Variants in NLRP2 observed in about 807,000 individuals in gnomAD.
The protein encoded by NLRP2 is NLR family pyrin domain containing 2.
In NLRP2, 107 loss-of-function variants were observed where a neutral mutation model predicts 97.2. The ratio of observed to expected loss-of-function variants is 1.10; its 90% CI spans 0.94 to 1.29. NLRP2 has a LOEUF of 1.29. NLRP2 is among the 50% of genes most tolerant of loss of function. The probability of loss-of-function intolerance (pLI) is 0.00; values close to 1 mark genes in which losing one functional copy is unlikely to be tolerated. For missense variants in NLRP2, 1,495 were observed against 1,330.3 expected, an observed-to-expected ratio of 1.12 and a Z score of -1.93; for synonymous variants, 663 against 551.5, an observed-to-expected ratio of 1.20 and a Z score of -2.83.
chr19:54,999,812 C>T (rs1302133327), intron 12 of NLRP2, among the ~76,000 whole-genome samples: 1 of 152,164 alleles, frequency 6.6e-6, no homozygotes, highest in Non-Finnish European at 1.5e-5. Context: ...TCTCAGCTCA[C>T]TGTAACCTCC....
At position 54,983,465 on chromosome 19, in the gene NLRP2, C is replaced by T. The variant is rs1397414574; in HGVS notation, c.1767C>T (p.Asp589=). 6.2e-7 allele frequency: 1 copy of T among 1,614,034 alleles called. No homozygotes were observed. The highest frequency in any genetic ancestry group is 8.5e-7 in the Non-Finnish European group (1 of 1,180,044). The change falls in exon 6 of 13, where the codon GAC becomes GAT. Residue 589 remains aspartate, a synonymous_variant. Transcript: ENST00000448584. ...PDIKQELLRC[D]ISCKGGHSTV... ...TCAAACAGGAATTGCTGCGATGCGACATAAGTTGTAAGGGTGGACATTCAA... is the reference window on the plus strand; with the variant it reads ...TCAAACAGGAATTGCTGCGATGCGATATAAGTTGTAAGGGTGGACATTCAA...
In NLRP2 at chr19:54,990,061, T is replaced by A; in HGVS notation, c.2406T>A (p.Asp802Glu). The A allele has an allele frequency of 6.2e-7, 1 of 1,613,950 alleles. No individual in the cohort carries two copies. The highest frequency in any genetic ancestry group is 8.5e-7 in the Non-Finnish European group (1 of 1,180,020). Residue 802 changes from aspartate to glutamate, a missense_variant, in exon 9 of 13, where the codon GAT becomes GAA. Coordinates refer to ENST00000448584, the MANE Select transcript of NLRP2 (RefSeq NM_017852.5). Reference protein sequence around the residue: ...SCSATTQQWADLSLALEVNQS... With the variant: ...SCSATTQQWAELSLALEVNQS... ...CCGCTACCACTCAGCAGTGGGCTGA[T>A]CTCTCCTTGGCCCTTGAAGTCAACC...
chr19:54,992,239 C>G (rs2072522823), intron 10 of NLRP2, among the ~76,000 whole-genome samples: 1 of 151,980 alleles, frequency 6.6e-6, no homozygotes, highest in Non-Finnish European at 1.5e-5. Flanking sequence ...TTCTTTGTCT[C>G]TAACATCACC....
Position 54,977,807 on chromosome 19 carries a change from CA to C in NLRP2, c.385del (p.Thr129GlnfsTer36). On this transcript the variant is annotated frameshift_variant, in exon 4 of 13. Coordinates refer to ENST00000448584, the MANE Select transcript of NLRP2 (RefSeq NM_017852.5). LOFTEE classifies it high-confidence loss of function. ...LDVDEMLERF[K>X]TEAQAFTETK... ...ACGTGGACGAAATGCTGGAGCGCTT[CA>C]AAACAGAAGCACAAGGTGGGTGTCA... 6.2e-7 allele frequency: 1 copy of C among 1,613,750 alleles called. No individual in the cohort carries two copies. The highest frequency in any genetic ancestry group is 8.5e-7 in the Non-Finnish European group (1 of 1,180,004).
At chr19:54,984,500 T>TTTTTTTTTTTTTTTTTTTTTTTTTTGTG (rs764786892) in intron 6 of NLRP2, among the ~76,000 whole-genome samples, 1 of 132,852 alleles carries the variant, frequency 7.5e-6, no homozygotes, top group Non-Finnish European at 1.6e-5. Flanking sequence ...TTTTTTTTTT[T>TTTTTTTTTTTTTTTTTTTTTTTTTTGTG]GAGACGGAGT....
rs561774583 is a variant in NLRP2 at position 54,982,644 on chromosome 19, G to T, written c.946G>T (p.Val316Phe). The T allele has an allele frequency of 6.2e-7, 1 of 1,614,130 alleles. No homozygotes were observed. Among genetic ancestry groups the T allele is most frequent in the African/African-American group, 1.3e-5 (1 of 75,040 alleles). ...CTGGGAGAAGAAGAAGCCGGTGCCC[G>T]TCCTCCTGGGGAGTTTGCTGAACAG... ...GDWEKKKPVP[V>F]LLGSLLNRVM... The change falls in exon 6 of 13, where the codon GTC (valine) becomes TTC (phenylalanine). Residue 316 changes from valine (V) to phenylalanine (F), a missense_variant. Transcript: ENST00000448584.
At chr19:54,982,030 G>C in intron 5 of NLRP2, 132 bp from the exon 6 acceptor site, 1 of 1,128,010 alleles carries the variant, frequency 8.9e-7, no homozygotes, top group Non-Finnish European at 1.3e-6. Context: ...TGCCTGCCTC[G>C]ACCTCCCAAA....
In NLRP2 at chr19:54,982,295, G is replaced by A. The variant is rs145770839; in HGVS notation, c.597G>A (p.Arg199=). 2.4e-5 allele frequency: 39 copies of A among 1,613,952 alleles called. No individual in the cohort carries two copies. In the African/African-American group the frequency reaches 4.8e-4, roughly 20 times the overall value. ...TGCTGATCCCATTCAGCAACCCCAG[G>A]GTGCTTCCCGGGCCCTTCTCATACA... ...YKMLIPFSNP[R]VLPGPFSYTV... Residue 199 remains arginine (R), a synonymous_variant, in exon 6 of 13, where the codon AGG becomes AGA. Coordinates refer to ENST00000448584, the MANE Select transcript of NLRP2 (RefSeq NM_017852.5).
At chr19:54,993,902 C>T (rs1255660516) in intron 10 of NLRP2, 7 of 333,124 alleles carry the variant, frequency 2.1e-5, no homozygotes, top group Admixed American at 1.3e-4. Context: ...CCTCCAACTT[C>T]GGCAGAGCAT....
At chr19:54,992,880 C>G (rs2146523427) in intron 10 of NLRP2, among the ~76,000 whole-genome samples, 1 of 152,004 alleles carries the variant, frequency 6.6e-6, no homozygotes, top group Non-Finnish European at 1.5e-5. Context: ...CTTTTTGATC[C>G]ATGCCCCTAT....
Position 54,983,717 on chromosome 19 carries a change from C to CCG in NLRP2, c.2019_2020insCG (p.Glu674ArgfsTer29), listed in dbSNP as rs1568503586. 6.2e-7 allele frequency: 1 copy of CCG among 1,611,332 alleles called. No individual in the cohort carries two copies. Among genetic ancestry groups the CCG allele is most frequent in the South Asian group, 1.1e-5 (1 of 91,018 alleles). The stretch of plus-strand genomic sequence containing the variant: ...ATGTCACTGCGTCTGAATCAGACGC[C>CCG]GAGGTTGAGAGGTGAGAACCGTTTC... On this transcript the variant is annotated frameshift_variant, in exon 6 of 13. Coordinates refer to ENST00000448584, the MANE Select transcript of NLRP2 (RefSeq NM_017852.5). LOFTEE classifies it high-confidence loss of function.
chr19:54,967,781 C>G (rs1400162651), intron 1 of NLRP2, among the ~76,000 whole-genome samples: 1 of 152,074 alleles, frequency 6.6e-6, no homozygotes, highest in African/African-American at 2.4e-5. Context: ...GAGGGAGCCT[C>G]TTAGCATCAT....
At chr19:54,983,789 G>C (rs1368677170) in intron 6 of NLRP2, 61 bp downstream of exon 6, 17 of 1,595,978 alleles carry the variant, frequency 1.1e-5, no homozygotes, top group East Asian at 2.2e-5. Flanking sequence ...GCCCCCTTAG[G>C]AAGAGGCCAG....
intron 3 of NLRP2, among the ~76,000 whole-genome samples, chr19:54,976,564 C>T (rs4806628): frequency 0.086 from 13,105 of 152,020 alleles, 802 homozygotes; most frequent in East Asian, 0.24. Flanking sequence ...CCAGGCTGGT[C>T]TCAAACTGCT....
At chr19:54,985,406 G>A (rs1170015484) in intron 7 of NLRP2, among the ~76,000 whole-genome samples, 189 bp downstream of exon 7, 1 of 152,130 alleles carries the variant, frequency 6.6e-6, no homozygotes, top group African/African-American at 2.4e-5. Context: ...GGCTGGGCAT[G>A]GTGGTTCACA....
Position 54,984,485 on chromosome 19 carries a change from C to CTTTTTTTTTTTTTTTTTTTTTTTT in NLRP2, c.2031-547_2031-546insTTTTTTTTTTTTTTTTTTTTTTTT, listed in dbSNP as rs36061621. 3.0e-3 allele frequency among the ~76,000 whole-genome samples: 233 copies of CTTTTTTTTTTTTTTTTTTTTTTTT among 76,892 alleles called. 47 individuals carry two copies. Among genetic ancestry groups the CTTTTTTTTTTTTTTTTTTTTTTTT allele is most frequent in the African/African-American group, 0.01 (134 of 13,230 alleles). The allele number at this position is 76,892 out of a possible 152,430, so 50.4% of individuals were successfully genotyped here. A position where few individuals can be genotyped will look rare whatever the true frequency, so the allele number is the denominator to read the frequency against. On this transcript the variant is annotated intron_variant, in intron 6 of 12. Transcript: ENST00000448584. The stretch of plus-strand genomic sequence containing the variant: ...ATGTATAGATATGTATATTCCCAAT[C>CTTTTTTTTTTTTTTTTTTTTTTTT]TTTTTTTTTTTTTTTGAGACGGAGT...
Position 54,982,637 on chromosome 19 carries a change from G to C in NLRP2, c.939G>C (p.Pro313=), listed in dbSNP as rs61735080. ...DICGDWEKKK[P]VPVLLGSLLN... is the part of the protein sequence containing the mutation. ...GCGGGGACTGGGAGAAGAAGAAGCCGGTGCCCGTCCTCCTGGGGAGTTTGC... is the reference window on the plus strand; with the variant it reads ...GCGGGGACTGGGAGAAGAAGAAGCCCGTGCCCGTCCTCCTGGGGAGTTTGC... The change falls in exon 6 of 13, where the codon CCG becomes CCC. Residue 313 remains proline, a synonymous_variant. Coordinates refer to ENST00000448584, the MANE Select transcript of NLRP2 (RefSeq NM_017852.5). 1 of 1,614,132 alleles carries C rather than the reference G, an allele frequency of 6.2e-7. No individual in the cohort carries two copies. The highest frequency in any genetic ancestry group is 1.7e-5 in the Admixed American group (1 of 60,014).
intron 8 of NLRP2, among the ~76,000 whole-genome samples, chr19:54,987,739 CAA>C (rs146853071): frequency 3.5e-4 from 42 of 120,210 alleles, no homozygotes; most frequent in Middle Eastern, 4.6e-3. Flanking sequence ...GAGACTGTCT[CAA>C]AAAAAAAAAA....
At chr19:54,978,677 A>G (rs939321880) in intron 4 of NLRP2, among the ~76,000 whole-genome samples, 1 of 151,490 alleles carries the variant, frequency 6.6e-6, no homozygotes, top group African/African-American at 2.4e-5. Flanking sequence ...GTGAAACCCA[A>G]CTCTACTAAA....
Sources: gnomAD v4.1 joint callset for allele counts (sites outside exome capture counted in the v4.1 genomes callset) on GRCh38, gnomAD v4.1.1 for gene constraint, MANE v1.5 for transcripts, NCBI Gene and HGNC (gene_info 2026-07-23, HGNC 2026-07-21) for gene names.